The following RHBDF1 variants were observed in gnomAD, a reference collection of about 807,000 sequenced individuals.
RHBDF1 encodes the protein rhomboid 5 homolog 1, also known as inactive rhomboid protein 1.
Under a neutral mutation model 98.6 loss-of-function variants are expected in RHBDF1, and 80 were observed. The ratio of observed to expected loss-of-function variants is 0.81; its 90% CI spans 0.68 to 0.98. The LOEUF is 0.98. Ranked by LOEUF, RHBDF1 falls within the 50% of genes least tolerant of loss-of-function variation. The pLI, the probability that RHBDF1 is intolerant of heterozygous loss-of-function variation, is 0.00. For missense variants in RHBDF1, 1,116 were observed against 1,198.3 expected, an observed-to-expected ratio of 0.93 and a Z score of 1.01; for synonymous variants, 512 against 486.8, an observed-to-expected ratio of 1.05 and a Z score of -0.68.
chr16:61,706 G>GA lies in RHBDF1; in HGVS notation c.1209-11_1209-10insT, dbSNP rs755876138. On this transcript the variant is annotated splice_polypyrimidine_tract_variant and intron_variant, in intron 8 of 17. Coordinates refer to ENST00000262316, the MANE Select transcript of RHBDF1 (RefSeq NM_022450.5). ...GTAGGTGAAGAAGGGCCTGCGGGGTGGAGCGTCAGCGGGGGCCTCATCCCC... is the reference window on the plus strand; with the variant it reads ...GTAGGTGAAGAAGGGCCTGCGGGGTGAGAGCGTCAGCGGGGGCCTCATCCCC... 2.3e-5 allele frequency: 37 copies of GA among 1,613,038 alleles called. No homozygotes were observed. The South Asian group carries it at 3.8e-4, about 17-fold the overall frequency.
upstream of RHBDF1, among the ~76,000 whole-genome samples, chr16:75,232 G>A (rs80173207): frequency 0.032 from 4,821 of 152,252 alleles, 207 homozygotes; most frequent in South Asian, 0.16. Flanking sequence ...GTGGGCAGGC[G>A]TCTGAGAATG....
At chr16:64,630 C>T in intron 3 of RHBDF1, 69 bp downstream of exon 3, 1 of 1,558,748 alleles carries the variant, frequency 6.4e-7, no homozygotes, top group Non-Finnish European at 8.7e-7. Context: ...TTTCCATCCT[C>T]TGTGTACCTG....
Position 72,523 on chromosome 16 carries a change from G to GA in RHBDF1, c.-36_-35insT. Reference sequence around the variant, plus strand: ...GCCGCGCTCACTCACTGCCGCCGCCGGGGGCTCTGGGGGGTCCTGAGGGCG... The same window carrying GA: ...GCCGCGCTCACTCACTGCCGCCGCCGAGGGGCTCTGGGGGGTCCTGAGGGCG... On this transcript the variant is annotated 5_prime_UTR_variant, in exon 1 of 18. Transcript: ENST00000262316. The GA allele has an allele frequency of 1.2e-6, 1 of 831,124 alleles. No individual in the cohort carries two copies. The highest frequency in any genetic ancestry group is 1.3e-6 in the Non-Finnish European group (1 of 759,894). The allele number at this position is 831,124 out of a possible 1,614,324, so 51.5% of individuals were successfully genotyped here.
chr16:75,224 G>T (rs953778116), upstream of RHBDF1, among the ~76,000 whole-genome samples: 2 of 152,176 alleles, frequency 1.3e-5, no homozygotes, highest in African/African-American at 4.8e-5. Flanking sequence ...CGGGGCTGGT[G>T]GGCAGGCGTC....
In RHBDF1 at chr16:61,846, C is replaced by G; in HGVS notation, c.1160G>C (p.Arg387Pro). 1 of 1,612,088 alleles carries G rather than the reference C, an allele frequency of 6.2e-7. No homozygotes were observed. Among genetic ancestry groups the G allele is most frequent in the Non-Finnish European group, 8.5e-7 (1 of 1,179,794 alleles). The change falls in exon 8 of 18, where the codon CGC becomes CCC. Residue 387 changes from arginine to proline, a missense_variant. By Grantham distance (103) the Arg-to-Pro change is moderately radical (BLOSUM62 -2). Transcript: ENST00000262316. ...GRLTNRTYRK[R>P]IDSFVKRQIE... is the part of the protein sequence containing the mutation. ...CTGGCGCTTGACGAAGCTGTCGATG[C>G]GCTTGCGGTAGGTGCGGTTGGTGAG... is the stretch of plus-strand genomic sequence containing the variant.
chr16:61,821 C>G lies in RHBDF1; in HGVS notation c.1185G>C (p.Gln395His). 2 of 1,612,832 alleles carry G rather than the reference C, an allele frequency of 1.2e-6. No individual in the cohort carries two copies. The change falls in exon 8 of 18, where the codon CAG becomes CAC. Residue 395 changes from glutamine to histidine, a missense_variant. Transcript: ENST00000262316. The stretch of plus-strand genomic sequence containing the variant: ...ACCTGTGGTCGTCCATGTCCTCGAT[C>G]TGGCGCTTGACGAAGCTGTCGATGC... ...RKRIDSFVKR[Q>H]IEDMDDHRPF...
At chr16:62,089 C>T (rs527299346) in intron 7 of RHBDF1, 37 bp from the exon 8 acceptor site, 4 of 1,438,248 alleles carry the variant, frequency 2.8e-6, no homozygotes, top group Admixed American at 2.8e-5. Context: ...GCCCCAGCCC[C>T]GCAAACTGCT....
intron 1 of RHBDF1, among the ~76,000 whole-genome samples, chr16:67,597 C>T (rs1454754432): frequency 6.6e-6 from 1 of 152,250 alleles, no homozygotes; most frequent in African/African-American, 2.4e-5. Context: ...GCCCACCCTC[C>T]CCTGTGTGGG....
chr16:74,317 T>C (rs1042662786), upstream of RHBDF1, among the ~76,000 whole-genome samples: 6 of 152,230 alleles, frequency 3.9e-5, no homozygotes, highest in Admixed American at 1.3e-4. Flanking sequence ...GTGTCCTCTC[T>C]GGAAAGCTGG....
At chr16:67,743 G>C (rs1355958305) in intron 1 of RHBDF1, among the ~76,000 whole-genome samples, 4 of 152,236 alleles carry the variant, frequency 2.6e-5, no homozygotes, top group Non-Finnish European at 5.9e-5. Flanking sequence ...CAGTGCTCAG[G>C]ACTGGCCTGC....
At position 65,435 on chromosome 16, in the gene RHBDF1, G is replaced by A. The variant is rs77273987; in HGVS notation, c.-24-396C>T. ...AAAAGATGCTAAGTATGATGGGAGC[G>A]GGGGAAGCAAACTAGGGTTGCTTGA... On this transcript the variant is annotated intron_variant, in intron 1 of 17. Transcript: ENST00000262316. Among the ~76,000 whole-genome samples, 31 of 152,316 alleles carry A rather than the reference G, an allele frequency of 2.0e-4. 1 individual carries two copies. The East Asian group carries it at 5.4e-3, about 26-fold the overall frequency.
At chr16:65,406 G>A (rs1413816415) in intron 1 of RHBDF1, among the ~76,000 whole-genome samples, 1 of 152,216 alleles carries the variant, frequency 6.6e-6, no homozygotes, top group Non-Finnish European at 1.5e-5. Flanking sequence ...TGAATGTACT[G>A]GTTAAAAGAT....
At position 61,857 on chromosome 16, in the gene RHBDF1, G is replaced by T. The variant is rs1178005800; in HGVS notation, c.1149C>A (p.Thr383=). ...LGMVGRLTNR[T]YRKRIDSFVK... ...CGAAGCTGTCGATGCGCTTGCGGTA[G>T]GTGCGGTTGGTGAGCCGTCCCACCA... is the stretch of plus-strand genomic sequence containing the variant. The change falls in exon 8 of 18, where the codon ACC becomes ACA. Residue 383 remains threonine, a synonymous_variant. Coordinates refer to ENST00000262316, the MANE Select transcript of RHBDF1 (RefSeq NM_022450.5). 6.2e-7 allele frequency: 1 copy of T among 1,611,178 alleles called. No homozygotes were observed. Among genetic ancestry groups the T allele is most frequent in the Non-Finnish European group, 8.5e-7 (1 of 1,179,806 alleles).
At chr16:62,948 C>A in intron 5 of RHBDF1, 25 bp downstream of exon 5, 1 of 1,612,486 alleles carries the variant, frequency 6.2e-7, no homozygotes, top group Non-Finnish European at 8.5e-7. Flanking sequence ...CGGCCCCCAA[C>A]CCCGCCTTTG....
At position 62,838 on chromosome 16, in the gene RHBDF1, A is replaced by G. The variant is rs1302369297; in HGVS notation, c.732T>C (p.Ala244=). ...CAGTTGTGTCCTCCTCCAGAAAGCT[A>G]GCTGGAGTGAAGCTTCGACGCTGTG... ...RRAQRRSFTP[A]SFLEEDTTDF... The change falls in exon 6 of 18, where the codon GCT becomes GCC. Residue 244 remains alanine (A), a synonymous_variant. Transcript: ENST00000262316. 1 of 1,613,984 alleles carries G rather than the reference A, an allele frequency of 6.2e-7. No homozygotes were observed. Among genetic ancestry groups the G allele is most frequent in the East Asian group, 2.2e-5 (1 of 44,884 alleles).
intron 7 of RHBDF1, among the ~76,000 whole-genome samples, 161 bp downstream of exon 7, chr16:62,377 C>A (rs2141851434): frequency 6.6e-6 from 1 of 152,312 alleles, no homozygotes; most frequent in African/African-American, 2.4e-5. Flanking sequence ...CCATGCCCAG[C>A]TCTGCGTCTC....
Position 62,315 on chromosome 16 carries a change from C to T in RHBDF1, c.953+223G>A. 6.7e-6 allele frequency: 5 copies of T among 743,040 alleles called. No homozygotes were observed. The South Asian group carries it at 9.4e-5, about 14-fold the overall frequency. The allele number at this position is 743,040 out of a possible 1,614,324, so 46.0% of individuals were successfully genotyped here. A position where few individuals can be genotyped will look rare whatever the true frequency, so the allele number is the denominator to read the frequency against. Reference sequence around the variant, plus strand: ...CCTCCCCGTTGGATTCTGCCCAGCCCCTGGGTTCTAAGATTGCTGTCCCAT... The same window carrying T: ...CCTCCCCGTTGGATTCTGCCCAGCCTCTGGGTTCTAAGATTGCTGTCCCAT... On this transcript the variant is annotated intron_variant, in intron 7 of 17. Coordinates refer to ENST00000262316, the MANE Select transcript of RHBDF1 (RefSeq NM_022450.5).
chr16:75,862 A>G (rs991384053), upstream of RHBDF1, among the ~76,000 whole-genome samples: 3 of 152,130 alleles, frequency 2.0e-5, no homozygotes, highest in African/African-American at 7.2e-5. Flanking sequence ...ACCCACCTCA[A>G]CAGCTGTCAG....
At position 61,786 on chromosome 16, in the gene RHBDF1, T is replaced by C; in HGVS notation, c.1208+12A>G. 1 of 1,605,782 alleles carries C rather than the reference T, an allele frequency of 6.2e-7. No homozygotes were observed. Among genetic ancestry groups the C allele is most frequent in the Non-Finnish European group, 8.5e-7 (1 of 1,175,090 alleles). The stretch of plus-strand genomic sequence containing the variant: ...CCTCCATCCCAACCCAGGCCTTGCC[T>C]GCCACGCCTACCTGTGGTCGTCCAT... On this transcript the variant is annotated intron_variant, in intron 8 of 17. Transcript: ENST00000262316.
Sources: gnomAD v4.1 joint callset for allele counts (sites outside exome capture counted in the v4.1 genomes callset) on GRCh38, gnomAD v4.1.1 for gene constraint, MANE v1.5 for transcripts, NCBI Gene and HGNC (gene_info 2026-07-23, HGNC 2026-07-21) for gene names.